The following MCCC2 variants were observed in gnomAD, a reference collection of about 807,000 sequenced individuals.
MCCC2 encodes the protein methylcrotonoyl-CoA carboxylase beta chain, mitochondrial.
MCCC2 carries 52 observed loss-of-function variants against 77.2 expected under a neutral mutation model. The observed-to-expected ratio is 0.67, with a 90% CI of 0.54 to 0.85. The LOEUF (loss-of-function observed/expected upper bound fraction) is 0.85. Among genes scored for constraint, MCCC2 ranks in the 40% least tolerant of loss-of-function variants. MCCC2 has a pLI of 0.00. For synonymous variants in MCCC2, 253 were observed against 248.4 expected (o/e 1.02, Z -0.18); for missense variants, 682 against 703.2 (o/e 0.97, Z 0.34).
intron 5 of MCCC2, 40 bp from the exon 6 acceptor site, chr5:71,604,316 G>A (rs369692903): frequency 1.6e-5 from 25 of 1,534,548 alleles, no homozygotes; most frequent in Non-Finnish European, 2.2e-5. Context: ...AGCACATTTA[G>A]TTCATAGAGA....
chr5:71,643,408 G>A (rs966781650), intron 11 of MCCC2, among the ~76,000 whole-genome samples: 1 of 151,970 alleles, frequency 6.6e-6, no homozygotes, highest in African/African-American at 2.4e-5. Context: ...CAGTTTTCTG[G>A]CTTATCAGTA....
intron 10 of MCCC2, chr5:71,635,679 A>G: frequency 3.3e-6 from 1 of 306,726 alleles, no homozygotes; most frequent in Non-Finnish European, 6.3e-6. Flanking sequence ...AGACCTGATT[A>G]CAGTTGAAAA....
At position 71,654,091 on chromosome 5, in the gene MCCC2, G is replaced by A. The variant is rs140373075; in HGVS notation, c.1574+1337G>A. 8.3e-3 allele frequency among the ~76,000 whole-genome samples: 1,262 copies of A among 152,102 alleles called. 26 individuals carry two copies. Among genetic ancestry groups the A allele is most frequent in the African/African-American group, 0.029 (1,183 of 41,486 alleles). ...CAGCTCACTGCAATCTCTGCCTCCC[G>A]GACTCAAGCAATCCTCTTGCGTCGG... is the stretch of plus-strand genomic sequence containing the variant. On this transcript the variant is annotated intron_variant, in intron 16 of 16. Coordinates refer to ENST00000340941, the MANE Select transcript of MCCC2 (RefSeq NM_022132.5).
intron 1 of MCCC2, among the ~76,000 whole-genome samples, chr5:71,588,910 C>T (rs2112257749): frequency 6.6e-6 from 1 of 152,134 alleles, no homozygotes; most frequent in South Asian, 2.1e-4. Context: ...ATGCAAAAGC[C>T]ACATTTAGAT....
At chr5:71,642,270 A>T (rs184784480) in intron 11 of MCCC2, among the ~76,000 whole-genome samples, 159 of 152,160 alleles carry the variant, frequency 1.0e-3, no homozygotes, top group African/African-American at 3.2e-3. Flanking sequence ...GGTGGCGGAT[A>T]AGAAGGATGG....
intron 15 of MCCC2, among the ~76,000 whole-genome samples, chr5:71,651,872 G>A (rs1286282699): frequency 6.6e-6 from 1 of 152,132 alleles, no homozygotes; most frequent in Non-Finnish European, 1.5e-5. Context: ...TTATTAAGTA[G>A]TTGTTCTTTG....
chr5:71,644,717 G>T (rs896254768), intron 12 of MCCC2, among the ~76,000 whole-genome samples: 1 of 151,910 alleles, frequency 6.6e-6, no homozygotes, highest in Non-Finnish European at 1.5e-5. Context: ...GAAATAACAG[G>T]GTAAAAGTTC....
At position 71,652,740 on chromosome 5, in the gene MCCC2, C is replaced by T. The variant is rs765801018; in HGVS notation, c.1560C>T (p.Tyr520=). Residue 520 remains tyrosine (Y), a synonymous_variant, in exon 16 of 17, where the codon TAC becomes TAT. Transcript: ENST00000340941. ...IKKFEEEGNP[Y]YSSARVWDDG... is the part of the protein sequence containing the mutation. ...AGTTTGAAGAGGAAGGAAACCCTTA[C>T]TATTCCAGCGCAAGGTGGGGGCCAG... 2.7e-5 allele frequency: 43 copies of T among 1,614,054 alleles called. No homozygotes were observed. Among genetic ancestry groups the T allele is most frequent in the Admixed American group, 8.3e-5 (5 of 59,996 alleles).
chr5:71,607,101 A>G (rs1417953683), intron 6 of MCCC2, among the ~76,000 whole-genome samples: 2 of 151,914 alleles, frequency 1.3e-5, no homozygotes, highest in African/African-American at 4.8e-5. Flanking sequence ...AAAATGAGTT[A>G]GGGAGGATTC....
At chr5:71,604,848 T>TG (rs1745606258) in intron 6 of MCCC2, among the ~76,000 whole-genome samples, 3 of 144,226 alleles carry the variant, frequency 2.1e-5, no homozygotes, top group South Asian at 4.7e-4. Flanking sequence ...TTTTTGTTCT[T>TG]GCGATAGTTT....
chr5:71,597,825 C>T (rs1745248369), intron 3 of MCCC2, among the ~76,000 whole-genome samples: 1 of 152,164 alleles, frequency 6.6e-6, no homozygotes, highest in East Asian at 1.9e-4. Context: ...TGTTTTGTAG[C>T]CAGCTCTCTT....
At chr5:71,649,027 C>A in intron 13 of MCCC2, 70 bp from the exon 14 acceptor site, 2 of 1,561,454 alleles carry the variant, frequency 1.3e-6, no homozygotes, top group Non-Finnish European at 1.8e-6. Flanking sequence ...ACAAGATGTC[C>A]TTTTGGTGGA....
chr5:71,638,850 TTAAAAG>T (rs1747021204), intron 10 of MCCC2, among the ~76,000 whole-genome samples: 1 of 152,164 alleles, frequency 6.6e-6, no homozygotes, highest in African/African-American at 2.4e-5. Flanking sequence ...ATAATAAGAC[TTAAAAG>T]TAAAAATGAC....
chr5:71,652,450 A>G (rs1000860807), intron 15 of MCCC2, among the ~76,000 whole-genome samples: 1 of 152,204 alleles, frequency 6.6e-6, no homozygotes, highest in Non-Finnish European at 1.5e-5. Flanking sequence ...AAATAGCCTC[A>G]GGATATTGTC....
intron 1 of MCCC2, 120 bp from the exon 2 acceptor site, chr5:71,592,806 G>A (rs1745030702): frequency 1.3e-6 from 1 of 794,778 alleles, no homozygotes. Context: ...GTGGCCCAGT[G>A]TGGCGGCCAC....
chr5:71,593,169 C>G (rs566822203), intron 2 of MCCC2, among the ~76,000 whole-genome samples, 177 bp downstream of exon 2: 141 of 151,492 alleles, frequency 9.3e-4, no homozygotes, highest in African/African-American at 3.3e-3. Context: ...CTCACTGCAA[C>G]CTCCGCCTCC....
chr5:71,599,929 G>A (rs1387278965), intron 4 of MCCC2, among the ~76,000 whole-genome samples, 169 bp downstream of exon 4: 2 of 152,230 alleles, frequency 1.3e-5, no homozygotes, highest in Non-Finnish European at 2.9e-5. Flanking sequence ...ACTTTGGGAG[G>A]CTGAGGTGGG....
chr5:71,649,486 C>G (rs975983530), intron 14 of MCCC2, among the ~76,000 whole-genome samples: 1 of 152,132 alleles, frequency 6.6e-6, no homozygotes, highest in African/African-American at 2.4e-5. Context: ...AATGAAAATG[C>G]CACACATTAA....
At chr5:71,588,620 G>C (rs546001585) in intron 1 of MCCC2, among the ~76,000 whole-genome samples, 1 of 152,328 alleles carries the variant, frequency 6.6e-6, no homozygotes, top group East Asian at 1.9e-4. Context: ...GTGGTACAGT[G>C]TAAGAAGGGT....
Sources: allele counts gnomAD v4.1 joint callset (sites outside exome capture counted in the v4.1 genomes callset), GRCh38; gene constraint gnomAD v4.1.1; transcripts MANE v1.5; gene names NCBI Gene and HGNC (gene_info 2026-07-23, HGNC 2026-07-21).